The following ZNF407 variants were observed in gnomAD, a reference collection of about 807,000 sequenced individuals.
ZNF407 encodes the protein zinc finger protein 407.
A neutral mutation model predicts 131.2 loss-of-function variants in ZNF407; 17 were observed. That is an observed-to-expected ratio of 0.13 (90% confidence interval 0.09 to 0.19). The LOEUF is 0.19. ZNF407 is among the 10% of genes least tolerant of loss of function. The pLI, the probability that ZNF407 is intolerant of heterozygous loss-of-function variation, is 1.00. For missense variants in ZNF407, 2,681 were observed against 2,830.6 expected, an observed-to-expected ratio of 0.95 and a Z score of 1.20; for synonymous variants, 1,156 against 1,062.0, an observed-to-expected ratio of 1.09 and a Z score of -1.72.
chr18:74,969,298 AT>A (rs1174442578), intron 8 of ZNF407, among the ~76,000 whole-genome samples: 1 of 151,860 alleles, frequency 6.6e-6, no homozygotes, highest in African/African-American at 2.4e-5. Context: ...TCATGTTGAG[AT>A]TTTCCTGGTT....
chr18:74,664,875 G>A (rs968864827), intron 3 of ZNF407, among the ~76,000 whole-genome samples: 1 of 152,152 alleles, frequency 6.6e-6, no homozygotes, highest in Non-Finnish European at 1.5e-5. Context: ...AAAGGAGCCT[G>A]GTTGATTGAG....
intron 4 of ZNF407, among the ~76,000 whole-genome samples, chr18:74,810,233 G>C (rs908926332): frequency 1.3e-5 from 2 of 152,172 alleles, no homozygotes; most frequent in African/African-American, 4.8e-5. Context: ...TGGTCAAGAA[G>C]ATGAAGTGGA....
At chr18:74,695,741 T>G (rs1207103723) in intron 3 of ZNF407, among the ~76,000 whole-genome samples, 1 of 152,186 alleles carries the variant, frequency 6.6e-6, no homozygotes. Context: ...ACTTTTCCCC[T>G]TTCTTCCCCA....
At chr18:74,866,462 G>C (rs1286624016) in intron 4 of ZNF407, among the ~76,000 whole-genome samples, 2 of 152,110 alleles carry the variant, frequency 1.3e-5, no homozygotes, top group Non-Finnish European at 2.9e-5. Context: ...GTGGAAAGCT[G>C]CCCTTCCTAA....
chr18:75,014,462 T>G (rs973986687), intron 8 of ZNF407, among the ~76,000 whole-genome samples: 1 of 152,076 alleles, frequency 6.6e-6, no homozygotes, highest in African/African-American at 2.4e-5. Flanking sequence ...TTTTTTGTCC[T>G]TTTATCTTCC....
At chr18:74,713,892 TA>T (rs1967829769) in intron 3 of ZNF407, among the ~76,000 whole-genome samples, 1 of 152,184 alleles carries the variant, frequency 6.6e-6, no homozygotes, top group Non-Finnish European at 1.5e-5. Flanking sequence ...ATGTTTGGCA[TA>T]ATATGGCAGA....
chr18:74,841,398 A>C (rs1422110400), intron 4 of ZNF407, among the ~76,000 whole-genome samples: 2 of 151,386 alleles, frequency 1.3e-5, no homozygotes, highest in African/African-American at 4.9e-5. Flanking sequence ...CCCTTTGCTC[A>C]CCGCTTCCCT....
At chr18:74,819,775 T>C (rs531962128) in intron 4 of ZNF407, among the ~76,000 whole-genome samples, 1 of 152,308 alleles carries the variant, frequency 6.6e-6, no homozygotes, top group East Asian at 1.9e-4. Context: ...TGAATCTCCC[T>C]GCTGTCCCCA....
At chr18:75,041,308 C>A (rs949344477) in intron 8 of ZNF407, among the ~76,000 whole-genome samples, 21 of 152,116 alleles carry the variant, frequency 1.4e-4, no homozygotes, top group African/African-American at 4.6e-4. Context: ...AAGTGATTGC[C>A]AGTTATTATT....
intron 8 of ZNF407, among the ~76,000 whole-genome samples, chr18:74,943,701 G>T (rs1315283335): frequency 6.6e-6 from 1 of 152,196 alleles, no homozygotes; most frequent in Non-Finnish European, 1.5e-5. Flanking sequence ...GAAGTAACTA[G>T]AATGAAGCCC....
At chr18:74,993,574 A>G (rs528413130) in intron 8 of ZNF407, among the ~76,000 whole-genome samples, 13 of 152,346 alleles carry the variant, frequency 8.5e-5, no homozygotes, top group Admixed American at 2.6e-4. Context: ...TAGATGTGTC[A>G]AAACTCATTG....
chr18:74,864,106 A>C lies in ZNF407; in HGVS notation c.4878-13091A>C, dbSNP rs1180990843. Among the ~76,000 whole-genome samples the C allele has an allele frequency of 3.9e-5, 6 of 152,158 alleles. No homozygotes were observed. The South Asian group carries it at 1.2e-3, about 32-fold the overall frequency. On this transcript the variant is annotated intron_variant, in intron 4 of 8. Coordinates refer to ENST00000299687, the MANE Select transcript of ZNF407 (RefSeq NM_017757.3). Reference sequence around the variant, plus strand: ...AAATATGACTGAGATAGAATTGTTCACTAATTATGATGGTTGGTTGGGCTG... The same window carrying C: ...AAATATGACTGAGATAGAATTGTTCCCTAATTATGATGGTTGGTTGGGCTG...
chr18:74,820,438 C>T (rs924376070), intron 4 of ZNF407, among the ~76,000 whole-genome samples: 15 of 152,180 alleles, frequency 9.9e-5, no homozygotes, highest in African/African-American at 3.6e-4. Context: ...GGGAGTCAGA[C>T]CACCTATTGT....
intron 8 of ZNF407, among the ~76,000 whole-genome samples, chr18:74,925,198 T>C (rs912248350): frequency 6.6e-6 from 1 of 152,220 alleles, no homozygotes; most frequent in African/African-American, 2.4e-5. Flanking sequence ...TGCTAAGACT[T>C]GGTCATATAC....
intron 3 of ZNF407, among the ~76,000 whole-genome samples, chr18:74,655,837 A>T (rs1287825769): frequency 6.6e-6 from 1 of 152,176 alleles, no homozygotes; most frequent in African/African-American, 2.4e-5. Flanking sequence ...TTTATTTTAC[A>T]AATGAAAACG....
At position 75,063,736 on chromosome 18, in the gene ZNF407, G is replaced by C. The variant is rs1406413356; in HGVS notation, c.6015G>C (p.Arg2005Ser). The part of the protein sequence containing the change: ...AVTELGEVEG[R>S]AGLEEQGRPG... ...CTGAATTAGGGGAGGTGGAGGGCAG[G>C]GCTGGGCTCGAGGAGCAAGGCAGGC... The change falls in exon 9 of 9, where the codon AGG (arginine) becomes AGC (serine). Residue 2005 changes from arginine to serine, a missense_variant. By Grantham distance (110) the Arg-to-Ser change is moderately radical (BLOSUM62 -1). This residue lies in a region of ZNF407 where 620 missense variants were observed against 583.1 expected (regional missense o/e 1.06). Coordinates refer to ENST00000299687, the MANE Select transcript of ZNF407 (RefSeq NM_017757.3). The surrounding 1 kb of genome is among the most constrained non-coding windows in gnomAD (Gnocchi z 6.6). 1.9e-6 allele frequency: 3 copies of C among 1,612,238 alleles called. No homozygotes were observed. The Admixed American group carries it at 5.0e-5, about 27-fold the overall frequency.
intron 2 of ZNF407, 48 bp from the exon 3 acceptor site, chr18:74,640,960 T>C: frequency 3.0e-6 from 4 of 1,352,034 alleles, no homozygotes; most frequent in South Asian, 2.3e-5. Flanking sequence ...AAGCTATTGG[T>C]GATGTATTAT....
At chr18:74,709,439 ATTACT>A (rs1967705359) in intron 3 of ZNF407, among the ~76,000 whole-genome samples, 1 of 152,214 alleles carries the variant, frequency 6.6e-6, no homozygotes, top group Admixed American at 6.5e-5. Context: ...GTAATATCTG[ATTACT>A]TTGACAAGTA....
At chr18:75,017,518 G>A (rs141023836) in intron 8 of ZNF407, among the ~76,000 whole-genome samples, 7 of 152,230 alleles carry the variant, frequency 4.6e-5, no homozygotes, top group African/African-American at 1.4e-4. Flanking sequence ...ATCAGTGCTA[G>A]TCAGCAACCA....
Sources: gnomAD v4.1 joint callset for allele counts (sites outside exome capture counted in the v4.1 genomes callset) on GRCh38, gnomAD v4.1.1 for gene constraint, gnomAD v4.1.1 regional missense constraint, Gnocchi (gnomAD v3.1) non-coding constraint, MANE v1.5 for transcripts, NCBI Gene and HGNC (gene_info 2026-07-23, HGNC 2026-07-21) for gene names.